Variants in GYPC observed in about 807,000 individuals in gnomAD.
GYPC encodes glycophorin-C.
Under a neutral mutation model 12.6 loss-of-function variants are expected in GYPC, and 14 were observed. That is an observed-to-expected ratio of 1.11 (90% CI 0.74 to 1.74). GYPC has a LOEUF of 1.74. GYPC is among the 40% of genes most tolerant of loss of function. GYPC has a pLI of 0.00. For synonymous variants in GYPC, 78 were observed against 62.1 expected (o/e 1.26, Z -1.20); for missense variants, 225 against 172.1 (o/e 1.31, Z -1.72).
intron 2 of GYPC, among the ~76,000 whole-genome samples, chr2:126,691,577 C>T (rs1683467237): frequency 1.3e-5 from 2 of 152,234 alleles, no homozygotes; most frequent in Admixed American, 1.3e-4. Flanking sequence ...CAACCTGCCC[C>T]AAGCACAGTT....
intron 1 of GYPC, among the ~76,000 whole-genome samples, chr2:126,690,031 G>A (rs1230338447): frequency 6.6e-6 from 1 of 152,206 alleles, no homozygotes; most frequent in Non-Finnish European, 1.5e-5. Context: ...TGACCTGGTG[G>A]TTCAGGTTCA....
intron 1 of GYPC, among the ~76,000 whole-genome samples, chr2:126,681,448 G>T (rs1316104964): frequency 6.6e-6 from 1 of 152,116 alleles, no homozygotes; most frequent in Non-Finnish European, 1.5e-5. Context: ...ACTTTCCCGA[G>T]CACGGACTTT....
intron 1 of GYPC, among the ~76,000 whole-genome samples, chr2:126,668,620 C>T (rs992804231): frequency 6.6e-6 from 1 of 152,244 alleles, no homozygotes; most frequent in Admixed American, 6.5e-5. Flanking sequence ...GGTTTACGCT[C>T]AAACTCCAGG....
chr2:126,673,846 G>A (rs1470578627), intron 1 of GYPC, among the ~76,000 whole-genome samples: 1 of 152,146 alleles, frequency 6.6e-6, no homozygotes, highest in Non-Finnish European at 1.5e-5. Context: ...GCACACTGTT[G>A]GGAGACTTAA....
At chr2:126,684,029 C>T (rs13425954) in intron 1 of GYPC, among the ~76,000 whole-genome samples, 68,496 of 151,970 alleles carry the variant, frequency 0.45, 15,856 homozygotes, top group East Asian at 0.5. Flanking sequence ...TTTGATACCG[C>T]AGCAGCAGAT....
chr2:126,679,071 A>G (rs767087908), intron 1 of GYPC, among the ~76,000 whole-genome samples: 1 of 152,262 alleles, frequency 6.6e-6, no homozygotes, highest in Non-Finnish European at 1.5e-5. Flanking sequence ...TAAGTACCTA[A>G]TTATGCTGAA....
At chr2:126,657,469 C>T (rs965019353) in intron 1 of GYPC, 1 of 152,236 alleles carries the variant, frequency 6.6e-6, no homozygotes, top group African/African-American at 2.4e-5. Context: ...GCACGAAGTG[C>T]GTATAAATGT....
chr2:126,675,450 C>G (rs1558883888), intron 1 of GYPC, among the ~76,000 whole-genome samples: 1 of 152,164 alleles, frequency 6.6e-6, no homozygotes, highest in Non-Finnish European at 1.5e-5. Flanking sequence ...GCTTAAACCC[C>G]AAATTCTCAG....
chr2:126,668,318 C>G (rs757390676), intron 1 of GYPC, among the ~76,000 whole-genome samples: 21 of 152,188 alleles, frequency 1.4e-4, no homozygotes, highest in Non-Finnish European at 2.8e-4. Flanking sequence ...GGTGGCCACA[C>G]CCCCAGGGCC....
chr2:126,691,923 G>A (rs1371221096), intron 2 of GYPC, among the ~76,000 whole-genome samples: 1 of 152,154 alleles, frequency 6.6e-6, no homozygotes, highest in Non-Finnish European at 1.5e-5. Context: ...TAAGCAAGGT[G>A]TTATTCTTTC....
intron 1 of GYPC, chr2:126,675,693 G>T: frequency 7.1e-6 from 7 of 985,032 alleles, no homozygotes; most frequent in Non-Finnish European, 8.4e-6. Flanking sequence ...CCGAGAAAAC[G>T]CAGACTTCTT....
intron 2 of GYPC, among the ~76,000 whole-genome samples, chr2:126,693,418 CTCT>C (rs1424071639): frequency 2.0e-5 from 3 of 152,138 alleles, no homozygotes; most frequent in Non-Finnish European, 2.9e-5. Flanking sequence ...AAATAAACCT[CTCT>C]TCTTTATAAA....
chr2:126,677,464 A>T (rs890145789), intron 1 of GYPC, among the ~76,000 whole-genome samples: 1 of 145,244 alleles, frequency 6.9e-6, no homozygotes, highest in African/African-American at 2.7e-5. Flanking sequence ...AGAGTGTGAC[A>T]GTGTGTGTGT....
At chr2:126,663,084 C>T (rs1175502294) in intron 1 of GYPC, among the ~76,000 whole-genome samples, 6 of 152,204 alleles carry the variant, frequency 3.9e-5, no homozygotes, top group Non-Finnish European at 7.3e-5. Context: ...TGTCCCCAGG[C>T]TGGAGTGCAG....
At chr2:126,690,446 T>A in intron 2 of GYPC, 135 bp downstream of exon 2, 3 of 746,602 alleles carry the variant, frequency 4.0e-6, no homozygotes, top group Non-Finnish European at 4.8e-6. Context: ...ACCTAAGGAC[T>A]TGGACAGGGG....
At chr2:126,677,962 C>T (rs1012919570) in intron 1 of GYPC, among the ~76,000 whole-genome samples, 3 of 152,264 alleles carry the variant, frequency 2.0e-5, no homozygotes, top group African/African-American at 7.2e-5. Flanking sequence ...CGGCTCACGC[C>T]TGTAATCCCA....
intron 2 of GYPC, among the ~76,000 whole-genome samples, chr2:126,691,101 A>G (rs1683449818): frequency 6.6e-6 from 1 of 152,226 alleles, no homozygotes; most frequent in Non-Finnish European, 1.5e-5. Flanking sequence ...CCCTGAAGGC[A>G]GTAGGAAGTT....
rs1683654713 is a variant in GYPC, at chr2:126,696,579, G to A, written c.*437G>A. ...CAAATGTCAGTCCTTGACATTTGGGGGGAACAGCAGGTGCCAGAGCTAAAA... is the reference window on the plus strand; with the variant it reads ...CAAATGTCAGTCCTTGACATTTGGGAGGAACAGCAGGTGCCAGAGCTAAAA... On this transcript the variant is annotated 3_prime_UTR_variant, in exon 4 of 4. Transcript: ENST00000259254. 7.5e-6 allele frequency: 2 copies of A among 265,810 alleles called. No homozygotes were observed. The highest frequency in any genetic ancestry group is 1.5e-5 in the Non-Finnish European group (2 of 134,634). 16.5% of individuals were successfully genotyped at this position (265,810 alleles called of 1,614,324 possible).
intron 1 of GYPC, among the ~76,000 whole-genome samples, chr2:126,668,140 TCA>T (rs758562579): frequency 6.6e-6 from 1 of 152,116 alleles, no homozygotes; most frequent in Non-Finnish European, 1.5e-5. Flanking sequence ...ACCCTAAAAG[TCA>T]CACACACACA....
Sources: gnomAD v4.1 joint callset for allele counts (sites outside exome capture counted in the v4.1 genomes callset) on GRCh38, gnomAD v4.1.1 for gene constraint, MANE v1.5 for transcripts, NCBI Gene and HGNC (gene_info 2026-07-23, HGNC 2026-07-21) for gene names.